OPCML: variants seen among roughly 807,000 people sequenced by gnomAD.
OPCML encodes the protein opioid binding protein/cell adhesion molecule like, also known as opioid-binding protein/cell adhesion molecule.
A neutral mutation model predicts 37.8 loss-of-function variants in OPCML; 13 were observed. The observed-to-expected ratio is 0.34, with a 90% CI of 0.22 to 0.55. The LOEUF (loss-of-function observed/expected upper bound fraction) is 0.55. Among genes scored for constraint, OPCML ranks in the 20% least tolerant of loss-of-function variants. OPCML has a pLI of 0.91. For synonymous variants in OPCML, 176 were observed against 168.8 expected (o/e 1.04, Z -0.33); for missense variants, 341 against 435.6 (o/e 0.78, Z 1.93).
At chr11:132,631,631 T>A (rs1940137742) in intron 3 of OPCML, among the ~76,000 whole-genome samples, 2 of 151,134 alleles carry the variant, frequency 1.3e-5, no homozygotes, top group African/African-American at 4.9e-5. Flanking sequence ...GGCTAATTTT[T>A]TTTTTTTATT....
chr11:132,934,876 A>G (rs1945320230), intron 2 of OPCML, among the ~76,000 whole-genome samples: 1 of 152,188 alleles, frequency 6.6e-6, no homozygotes, highest in South Asian at 2.1e-4. Flanking sequence ...GCAGAGGCTC[A>G]CACCTGTAAT....
At chr11:133,016,424 CA>C (rs1402740344) in intron 1 of OPCML, among the ~76,000 whole-genome samples, 1 of 152,220 alleles carries the variant, frequency 6.6e-6, no homozygotes, top group Non-Finnish European at 1.5e-5. Context: ...CCTTCGTCTT[CA>C]AAGCCAGCAA....
chr11:133,479,659 C>T (rs1406163343), intron 1 of OPCML, among the ~76,000 whole-genome samples: 5 of 152,198 alleles, frequency 3.3e-5, no homozygotes, highest in African/African-American at 7.2e-5. Context: ...CCTGCCACTG[C>T]TCACACTGTT....
chr11:133,464,458 C>T (rs1455022558), intron 1 of OPCML, among the ~76,000 whole-genome samples: 2 of 152,172 alleles, frequency 1.3e-5, no homozygotes, highest in Non-Finnish European at 2.9e-5. Flanking sequence ...ATGTGGGGCG[C>T]TCTGGGGCCA....
rs142269803 is a variant in OPCML, at chr11:133,072,928, G to A, written c.62-129918C>T. Among the ~76,000 whole-genome samples the A allele has an allele frequency of 3.5e-3, 536 of 152,352 alleles. 2 individuals are homozygous for A. The highest frequency in any genetic ancestry group is 0.012 in the African/African-American group (514 of 41,590). ...TGCCTGAGACAAGGGTTGGTGTGAA[G>A]ACAGATTATTTTGGAAGCAACTCTG... On this transcript the variant is annotated intron_variant, in intron 1 of 7. Coordinates refer to ENST00000524381, the MANE Select transcript of OPCML (RefSeq NM_001012393.5).
At chr11:132,976,526 C>T (rs971067241) in intron 1 of OPCML, among the ~76,000 whole-genome samples, 1 of 152,116 alleles carries the variant, frequency 6.6e-6, no homozygotes, top group Non-Finnish European at 1.5e-5. Context: ...GCATGTATAG[C>T]CGCAACCAGT....
rs1432781711 is a variant in OPCML, at chr11:133,325,802, C to T, written c.61+206462G>A. Among the ~76,000 whole-genome samples the T allele has an allele frequency of 2.6e-5, 4 of 152,160 alleles. No homozygotes were observed. In the East Asian group the frequency reaches 5.8e-4, roughly 22 times the overall value. ...AGAATGAGAAAGACATGTCCTTAAT[C>T]GACCTCTACAGAGCTCATCTGGGAA... On this transcript the variant is annotated intron_variant, in intron 1 of 7. Coordinates refer to ENST00000524381, the MANE Select transcript of OPCML (RefSeq NM_001012393.5).
At chr11:132,724,632 C>T (rs1216930285) in intron 2 of OPCML, among the ~76,000 whole-genome samples, 2 of 152,140 alleles carry the variant, frequency 1.3e-5, no homozygotes, top group East Asian at 3.9e-4. Flanking sequence ...AGTCTTAACC[C>T]ATTTTAGTAT....
At chr11:133,365,803 G>C (rs533392554) in intron 1 of OPCML, 22 of 152,294 alleles carry the variant, frequency 1.4e-4, no homozygotes, top group African/African-American at 5.3e-4. Flanking sequence ...CTGACAAAAA[G>C]AGAAAAGTGT....
chr11:132,856,542 A>G (rs1942064425), intron 2 of OPCML, among the ~76,000 whole-genome samples: 1 of 152,182 alleles, frequency 6.6e-6, no homozygotes, highest in Non-Finnish European at 1.5e-5. Flanking sequence ...AATTGATAGA[A>G]AACAGCTGAA....
rs1947140461 is a variant in OPCML, at chr11:133,007,803, C to T, written c.62-64793G>A. On this transcript the variant is annotated intron_variant, in intron 1 of 7. Coordinates refer to ENST00000524381, the MANE Select transcript of OPCML (RefSeq NM_001012393.5). ...ATAGTTAGCACATGTATCATATCTC[C>T]TTGTGGCGGGATCACTCAGCTTTTT... 9.1e-6 allele frequency: 9 copies of T among 985,310 alleles called. No individual in the cohort carries two copies. In the Admixed American group the frequency reaches 5.5e-4, roughly 61 times the overall value. 61.0% of individuals were successfully genotyped at this position (985,310 alleles called of 1,614,324 possible).
intron 1 of OPCML, among the ~76,000 whole-genome samples, chr11:133,080,666 G>C (rs537103362): frequency 6.6e-6 from 1 of 152,158 alleles, no homozygotes; most frequent in African/African-American, 2.4e-5. Flanking sequence ...CACTGTGCCC[G>C]TTTATTTTCA....
At chr11:132,460,217 C>CTTT (rs373091565) in intron 4 of OPCML, among the ~76,000 whole-genome samples, 7 of 145,240 alleles carry the variant, frequency 4.8e-5, no homozygotes, top group African/African-American at 1.7e-4. Context: ...GTTAAAGTGA[C>CTTT]TTTTTTTTTT....
intron 2 of OPCML, among the ~76,000 whole-genome samples, chr11:132,808,364 A>G (rs530013705): frequency 6.6e-6 from 1 of 152,368 alleles, no homozygotes; most frequent in Non-Finnish European, 1.5e-5. Flanking sequence ...AATTCCTGGC[A>G]GTGGGAACAG....
intron 4 of OPCML, among the ~76,000 whole-genome samples, chr11:132,483,736 A>G (rs1166508622): frequency 6.6e-6 from 1 of 152,028 alleles, no homozygotes; most frequent in Non-Finnish European, 1.5e-5. Flanking sequence ...TCAATGGAAC[A>G]GAACAGAGCC....
At position 132,901,380 on chromosome 11, in the gene OPCML, G is replaced by A. The variant is rs931623301; in HGVS notation, c.146+41546C>T. Reference sequence around the variant, plus strand: ...GTCCTTTTAAACTGAATAAATAATTGATTGAGTCCTCAGTTTTCTAAAGCG... The same window carrying A: ...GTCCTTTTAAACTGAATAAATAATTAATTGAGTCCTCAGTTTTCTAAAGCG... On this transcript the variant is annotated intron_variant, in intron 2 of 7. Transcript: ENST00000524381. 5.3e-5 allele frequency among the ~76,000 whole-genome samples: 8 copies of A among 152,152 alleles called. No individual in the cohort carries two copies. The East Asian group carries it at 1.5e-3, about 29-fold the overall frequency.
At chr11:132,651,120 A>C (rs929840536) in intron 3 of OPCML, among the ~76,000 whole-genome samples, 5 of 152,114 alleles carry the variant, frequency 3.3e-5, no homozygotes, top group African/African-American at 4.8e-5. Context: ...CTCAGGGCCC[A>C]CCCTTTTCTG....
At chr11:133,385,623 A>G (rs908423109) in intron 1 of OPCML, among the ~76,000 whole-genome samples, 5 of 151,792 alleles carry the variant, frequency 3.3e-5, no homozygotes, top group African/African-American at 7.3e-5. Flanking sequence ...TGCCTCTAAT[A>G]CTCAAGACAA....
intron 1 of OPCML, among the ~76,000 whole-genome samples, chr11:133,126,897 T>C (rs1317567659): frequency 6.6e-6 from 1 of 151,902 alleles, no homozygotes; most frequent in African/African-American, 2.4e-5. Context: ...AAAAAGAGAG[T>C]GCCTGGAAGA....
Sources: gnomAD v4.1 joint callset for allele counts (sites outside exome capture counted in the v4.1 genomes callset) on GRCh38, gnomAD v4.1.1 for gene constraint, MANE v1.5 for transcripts, NCBI Gene and HGNC (gene_info 2026-07-23, HGNC 2026-07-21) for gene names.